Variants in RNF13 observed in about 807,000 individuals in gnomAD.
RNF13 encodes the protein E3 ubiquitin-protein ligase RNF13.
RNF13 carries 19 observed loss-of-function variants against 37.7 expected under a neutral mutation model. The observed-to-expected ratio is 0.50, with a 90% CI of 0.35 to 0.74. The LOEUF is 0.74. RNF13 is among the 30% of genes least tolerant of loss of function. The pLI is 0.01. For missense variants in RNF13, 375 were observed against 453.0 expected (o/e 0.83, Z 1.56); for synonymous variants, 144 against 157.8 (o/e 0.91, Z 0.65).
intron 4 of RNF13, among the ~76,000 whole-genome samples, chr3:149,883,544 T>C (rs1206052562): frequency 1.3e-5 from 2 of 152,188 alleles, no homozygotes; most frequent in Non-Finnish European, 1.5e-5. Context: ...TGTATTCTTA[T>C]AATAATAAAT....
intron 2 of RNF13, among the ~76,000 whole-genome samples, chr3:149,849,263 A>T (rs1722923506): frequency 6.6e-6 from 1 of 152,224 alleles, no homozygotes; most frequent in Non-Finnish European, 1.5e-5. Context: ...GAGAAGTAAC[A>T]TCCATCTTAT....
chr3:149,864,038 T>TTTTTTTTTTTTTTTTTG (rs1724547357), intron 3 of RNF13, among the ~76,000 whole-genome samples: 1 of 97,378 alleles, frequency 1.0e-5, no homozygotes, highest in Non-Finnish European at 2.0e-5. Context: ...TTTTTTTTTT[T>TTTTTTTTTTTTTTTTTG]TTAGAATGAT....
At chr3:149,907,238 T>G (rs1260444894) in intron 6 of RNF13, among the ~76,000 whole-genome samples, 2 of 152,198 alleles carry the variant, frequency 1.3e-5, no homozygotes. Flanking sequence ...ATGCTTCTAA[T>G]TGCTTTCCCT....
rs745674852 is a variant in RNF13, at chr3:149,960,692, G to C, written c.782-48G>C. 3 of 1,525,180 alleles carry C rather than the reference G, an allele frequency of 2.0e-6. No individual in the cohort carries two copies. In the African/African-American group the frequency reaches 4.2e-5, roughly 21 times the overall value. The allele number at this position is 1,525,180 out of a possible 1,614,324, so 94.5% of individuals were successfully genotyped here. A position where few individuals can be genotyped will look rare whatever the true frequency, so the allele number is the denominator to read the frequency against. On this transcript the variant is annotated intron_variant, in intron 9 of 9. Coordinates refer to ENST00000392894, the MANE Select transcript of RNF13 (RefSeq NM_183381.3). ...ATATGGCAAGAGATTAAATATAAAA[G>C]TATCAACCGCAGCATACTAACTAAA... is the stretch of plus-strand genomic sequence containing the variant.
chr3:149,849,522 G>A (rs1407347813), intron 2 of RNF13, among the ~76,000 whole-genome samples: 2 of 152,188 alleles, frequency 1.3e-5, no homozygotes, highest in Admixed American at 1.3e-4. Flanking sequence ...ATGACCTTGG[G>A]CAGATTACTT....
At chr3:149,817,165 A>C (rs999577729) in intron 1 of RNF13, 1 of 152,206 alleles carries the variant, frequency 6.6e-6, no homozygotes, top group Non-Finnish European at 1.5e-5. Flanking sequence ...TTACATTGTA[A>C]GGAAATGACC....
chr3:149,932,720 A>T (rs1177004390), intron 8 of RNF13, among the ~76,000 whole-genome samples: 2 of 152,236 alleles, frequency 1.3e-5, no homozygotes, highest in African/African-American at 4.8e-5. Flanking sequence ...GGGAAGCTCC[A>T]TCCCTGTGGC....
At chr3:149,861,132 G>A (rs1724209405) in intron 3 of RNF13, among the ~76,000 whole-genome samples, 1 of 151,918 alleles carries the variant, frequency 6.6e-6, no homozygotes, top group Admixed American at 6.6e-5. Context: ...CAAGGATTCA[G>A]AGAAGAGGGA....
intron 5 of RNF13, among the ~76,000 whole-genome samples, chr3:149,899,003 C>T (rs1162297763): frequency 6.6e-6 from 1 of 152,096 alleles, no homozygotes; most frequent in Non-Finnish European, 1.5e-5. Context: ...AAAGATAAAG[C>T]ATGCTTGGTG....
chr3:149,950,788 T>G (rs1721251043), intron 8 of RNF13, among the ~76,000 whole-genome samples: 1 of 152,112 alleles, frequency 6.6e-6, no homozygotes, highest in African/African-American at 2.4e-5. Context: ...TCTCAGTCTT[T>G]AAGTGAGCCT....
chr3:149,840,988 G>A (rs530076929), intron 1 of RNF13, among the ~76,000 whole-genome samples: 31 of 152,312 alleles, frequency 2.0e-4, no homozygotes, highest in South Asian at 8.3e-4. Context: ...TTAATAGTCC[G>A]TGAGTAGCTC....
chr3:149,832,919 C>T (rs573709509), intron 1 of RNF13, among the ~76,000 whole-genome samples: 1 of 152,064 alleles, frequency 6.6e-6, no homozygotes, highest in African/African-American at 2.4e-5. Context: ...GATCAGATGG[C>T]TTCATTGGTG....
Position 149,863,227 on chromosome 3 carries a change from C to T in RNF13, c.196-8802C>T, listed in dbSNP as rs558514712. On this transcript the variant is annotated intron_variant, in intron 3 of 9. Coordinates refer to ENST00000392894, the MANE Select transcript of RNF13 (RefSeq NM_183381.3). The stretch of plus-strand genomic sequence containing the variant: ...CTTTAATTAACCAGGTTGTGTTCAA[C>T]TATAAACTGAGTTATAATGACAAAT... Among the ~76,000 whole-genome samples, 64 of 152,270 alleles carry T rather than the reference C, an allele frequency of 4.2e-4. 2 individuals carry two copies. In the South Asian group the frequency reaches 0.013, roughly 31 times the overall value.
At chr3:149,908,391 C>T (rs971490231) in intron 6 of RNF13, among the ~76,000 whole-genome samples, 3 of 152,168 alleles carry the variant, frequency 2.0e-5, no homozygotes, top group African/African-American at 7.2e-5. Context: ...TCTATATTCT[C>T]TCTGATGGTT....
intron 3 of RNF13, among the ~76,000 whole-genome samples, chr3:149,860,270 A>AAAATATATATAT (rs1302318768): frequency 2.9e-5 from 3 of 104,094 alleles, no homozygotes; most frequent in African/African-American, 1.3e-4. Flanking sequence ...AAAAAAAAAA[A>AAAATATATATAT]ATATATATAT....
intron 3 of RNF13, among the ~76,000 whole-genome samples, chr3:149,861,803 CAT>C (rs372401904): frequency 6.6e-6 from 1 of 152,070 alleles, no homozygotes; most frequent in African/African-American, 2.4e-5. Flanking sequence ...GTTCTCAACA[CAT>C]AGAAATGATA....
At chr3:149,863,056 C>T (rs927035495) in intron 3 of RNF13, among the ~76,000 whole-genome samples, 10 of 152,196 alleles carry the variant, frequency 6.6e-5, no homozygotes, top group Non-Finnish European at 1.2e-4. Context: ...TAATTGTTCT[C>T]CCTACTTTTG....
At chr3:149,908,702 G>C (rs1002450055) in intron 6 of RNF13, among the ~76,000 whole-genome samples, 1 of 152,206 alleles carries the variant, frequency 6.6e-6, no homozygotes. Context: ...CTGGAAAGCT[G>C]ATCTATAGGA....
Position 149,960,072 on chromosome 3 carries a change from A to C in RNF13, c.717A>C (p.Val239=), listed in dbSNP as rs1722232239. ...HKFKKGDEYD[V]CAICLDEYED... ...TGTTTTCAGGAGATGAGTATGATGTATGTGCCATTTGTTTGGATGAGTATG... is the reference window on the plus strand; with the variant it reads ...TGTTTTCAGGAGATGAGTATGATGTCTGTGCCATTTGTTTGGATGAGTATG... Residue 239 remains valine, a synonymous_variant, in exon 9 of 10, where the codon GTA becomes GTC. Transcript: ENST00000392894. 2 of 1,611,644 alleles carry C rather than the reference A, an allele frequency of 1.2e-6. No individual in the cohort carries two copies. The highest frequency in any genetic ancestry group is 1.7e-6 in the Non-Finnish European group (2 of 1,177,830).
Sources: allele counts gnomAD v4.1 joint callset (sites outside exome capture counted in the v4.1 genomes callset), GRCh38; gene constraint gnomAD v4.1.1; transcripts MANE v1.5; gene names NCBI Gene and HGNC (gene_info 2026-07-23, HGNC 2026-07-21).